Variants in PDE1A observed in about 807,000 individuals in gnomAD.
The protein encoded by PDE1A is dual specificity calcium/calmodulin-dependent 3',5'-cyclic nucleotide phosphodiesterase 1A.
A neutral mutation model predicts 61.7 loss-of-function variants in PDE1A; 35 were observed. That is an observed-to-expected ratio of 0.57 (90% CI 0.43 to 0.75). The LOEUF (loss-of-function observed/expected upper bound fraction) is 0.75. PDE1A is among the 30% of genes least tolerant of loss of function. The probability of loss-of-function intolerance (pLI) is 0.00; values close to 1 mark genes in which losing one functional copy is unlikely to be tolerated. For synonymous variants in PDE1A, 232 were observed against 213.2 expected, an observed-to-expected ratio of 1.09 and a Z score of -0.77; for missense variants, 597 against 630.6, an observed-to-expected ratio of 0.95 and a Z score of 0.57.
chr2:182,303,050 A>T (rs1361500088), intron 1 of PDE1A, among the ~76,000 whole-genome samples: 1 of 152,154 alleles, frequency 6.6e-6, no homozygotes. Flanking sequence ...TCCTTTACTG[A>T]AGTCTTGAAC....
the PDE1A span, among the ~76,000 whole-genome samples, chr2:182,648,884 A>T: frequency 6.6e-6 from 1 of 152,160 alleles, no homozygotes; most frequent in East Asian, 1.9e-4. Context: ...TATAGATGTT[A>T]TTATCAGAGC....
Position 182,151,020 on chromosome 2 carries a change from C to G in PDE1A, c.1517-3868G>C, listed in dbSNP as rs564687112. Among the ~76,000 whole-genome samples the G allele has an allele frequency of 3.3e-5, 5 of 152,218 alleles. No individual in the cohort carries two copies. The East Asian group carries it at 9.7e-4, about 29-fold the overall frequency. ...ATAATAATCAATACTTTGTGAACAC[C>G]AACTAGGTGGCAGACACTATTCTAA... On this transcript the variant is annotated intron_variant, in intron 13 of 13. Coordinates refer to the PDE1A transcript ENST00000409365.
intron 1 of PDE1A, among the ~76,000 whole-genome samples, chr2:182,315,819 A>G (rs1182211439): frequency 1.3e-5 from 2 of 152,174 alleles, no homozygotes; most frequent in East Asian, 3.9e-4. Context: ...GGGTTTTGGC[A>G]GAGAGGATCT....
At chr2:182,273,170 A>T (rs1390640303) in intron 1 of PDE1A, among the ~76,000 whole-genome samples, 5 of 152,096 alleles carry the variant, frequency 3.3e-5, no homozygotes, top group African/African-American at 1.2e-4. Flanking sequence ...ATTGACTGAT[A>T]TCTTTTGATA....
chr2:182,147,666 G>C (rs1409727854), intron 13 of PDE1A, among the ~76,000 whole-genome samples: 1 of 152,096 alleles, frequency 6.6e-6, no homozygotes, highest in African/African-American at 2.4e-5. Flanking sequence ...TATTAGCATG[G>C]AAAAATCTTT....
chr2:182,194,941 C>G (rs113516239), intron 10 of PDE1A, among the ~76,000 whole-genome samples: 1 of 151,042 alleles, frequency 6.6e-6, no homozygotes. Flanking sequence ...AAAGGTTGCT[C>G]TTGAAAAATT....
At chr2:182,208,032 A>G (rs1182097280) in intron 7 of PDE1A, among the ~76,000 whole-genome samples, 1 of 152,220 alleles carries the variant, frequency 6.6e-6, no homozygotes, top group Non-Finnish European at 1.5e-5. Context: ...AAATGCCTGA[A>G]TATCCAGGAA....
At chr2:182,512,632 A>T (rs555906127) in intron 2 of PDE1A, among the ~76,000 whole-genome samples, 1 of 152,302 alleles carries the variant, frequency 6.6e-6, no homozygotes, top group South Asian at 2.1e-4. Context: ...CAGAGTTCAG[A>T]ATCTGGATGG....
chr2:182,580,626 T>C, the PDE1A span, among the ~76,000 whole-genome samples: 1 of 152,194 alleles, frequency 6.6e-6, no homozygotes, highest in Non-Finnish European at 1.5e-5. Context: ...AAGATTTTAC[T>C]ATAACTTAAA....
the PDE1A span, among the ~76,000 whole-genome samples, chr2:182,552,154 A>G: frequency 6.6e-6 from 1 of 152,196 alleles, no homozygotes; most frequent in Non-Finnish European, 1.5e-5. Context: ...AAATATTCCC[A>G]TTACCTCTCC....
the PDE1A span, among the ~76,000 whole-genome samples, chr2:182,635,991 T>C: frequency 1.4e-5 from 2 of 145,962 alleles, no homozygotes; most frequent in Admixed American, 6.9e-5. Flanking sequence ...AGTCTTGCTC[T>C]TTTGCCCAGG....
intron 2 of PDE1A, among the ~76,000 whole-genome samples, chr2:182,437,620 T>G (rs1684520510): frequency 6.6e-6 from 1 of 151,926 alleles, no homozygotes; most frequent in African/African-American, 2.4e-5. Flanking sequence ...AGTATCCTAA[T>G]TTTAGAGATA....
the PDE1A span, among the ~76,000 whole-genome samples, chr2:182,701,921 T>C: frequency 6.6e-6 from 1 of 152,176 alleles, no homozygotes; most frequent in African/African-American, 2.4e-5. Flanking sequence ...ATGTTAACAC[T>C]CATTTAAAGA....
chr2:182,396,840 C>A (rs1397731690), intron 1 of PDE1A, among the ~76,000 whole-genome samples: 1 of 152,086 alleles, frequency 6.6e-6, no homozygotes, highest in African/African-American at 2.4e-5. Flanking sequence ...AAGGGGTGGA[C>A]TTATGATAGT....
chr2:182,595,963 T>C, the PDE1A span, among the ~76,000 whole-genome samples: 1 of 152,162 alleles, frequency 6.6e-6, no homozygotes, highest in African/African-American at 2.4e-5. Context: ...ACCAAAATCT[T>C]TGGGGTTGAG....
At chr2:182,225,045 T>A (rs1689032713) in intron 6 of PDE1A, among the ~76,000 whole-genome samples, 1 of 151,948 alleles carries the variant, frequency 6.6e-6, no homozygotes, top group Non-Finnish European at 1.5e-5. Flanking sequence ...GCACACTTGA[T>A]AAAAGTTTGC....
At chr2:182,407,540 C>A (rs1702371202) in intron 1 of PDE1A, among the ~76,000 whole-genome samples, 1 of 152,114 alleles carries the variant, frequency 6.6e-6, no homozygotes, top group Non-Finnish European at 1.5e-5. Context: ...CGCCATCACA[C>A]CTGGCTAATT....
chr2:182,677,586 C>T, the PDE1A span, among the ~76,000 whole-genome samples: 1 of 151,984 alleles, frequency 6.6e-6, no homozygotes, highest in African/African-American at 2.4e-5. Flanking sequence ...ACCGGAATAC[C>T]CAAGACAATG....
At chr2:182,596,886 G>T in the PDE1A span, among the ~76,000 whole-genome samples, 9 of 152,158 alleles carry the variant, frequency 5.9e-5, no homozygotes, top group African/African-American at 2.2e-4. Flanking sequence ...AGGCGCAATG[G>T]CTCATACCTG....
Sources: gnomAD v4.1 joint callset for allele counts (sites outside exome capture counted in the v4.1 genomes callset) on GRCh38, gnomAD v4.1.1 for gene constraint, MANE v1.5 for transcripts, NCBI Gene and HGNC (gene_info 2026-07-23, HGNC 2026-07-21) for gene names.